DNAH14: variants seen among roughly 807,000 people sequenced by gnomAD.
DNAH14 encodes dynein axonemal heavy chain 14, also known as axonemal beta dynein heavy chain 14.
Under a neutral mutation model 520.9 loss-of-function variants are expected in DNAH14, and 478 were observed. The ratio of observed to expected loss-of-function variants is 0.92; its 90% CI spans 0.85 to 0.99. The LOEUF is 0.99. DNAH14 is among the 50% of genes least tolerant of loss of function. DNAH14 has a pLI of 0.00. For synonymous variants in DNAH14, 1,581 were observed against 1,757.2 expected (o/e 0.90, Z 2.51); for missense variants, 4,831 against 5,234.5 (o/e 0.92, Z 2.38).
chr1:225,301,991 A>C (rs1474103415), intron 56 of DNAH14, among the ~76,000 whole-genome samples: 1 of 151,402 alleles, frequency 6.6e-6, no homozygotes, highest in Non-Finnish European at 1.5e-5. Context: ...TTTGAATAAT[A>C]AAGAAGAAAA....
chr1:225,061,928 A>G (rs1380312997), intron 17 of DNAH14, among the ~76,000 whole-genome samples: 1 of 152,222 alleles, frequency 6.6e-6, no homozygotes, highest in Non-Finnish European at 1.5e-5. Flanking sequence ...TATGTTCAAA[A>G]TCTGTGATCT....
intron 5 of DNAH14, among the ~76,000 whole-genome samples, chr1:224,966,876 T>C (rs1224824360): frequency 6.6e-6 from 1 of 152,146 alleles, no homozygotes; most frequent in African/African-American, 2.4e-5. Flanking sequence ...TCTGCAATTG[T>C]TTAATGAAGT....
chr1:225,331,261 A>G (rs2094791778), intron 64 of DNAH14, among the ~76,000 whole-genome samples, 176 bp from the exon 65 acceptor site: 1 of 152,226 alleles, frequency 6.6e-6, no homozygotes, highest in Non-Finnish European at 1.5e-5. Flanking sequence ...TTCAATATCA[A>G]TGAATCATTT....
At chr1:225,031,192 C>A (rs778007277) in intron 11 of DNAH14, among the ~76,000 whole-genome samples, 3 of 151,932 alleles carry the variant, frequency 2.0e-5, no homozygotes, top group African/African-American at 7.2e-5. Flanking sequence ...AAAAGAAATG[C>A]GGTTGATTTT....
chr1:225,397,988 A>C (rs2096043664), intron 84 of DNAH14: 1 of 136,312 alleles, frequency 7.3e-6, no homozygotes, highest in South Asian at 2.6e-4. Context: ...TGGAGGTTGC[A>C]GTGAGCCAAG....
intron 38 of DNAH14, among the ~76,000 whole-genome samples, chr1:225,197,978 GCAAA>G (rs2086367556): frequency 3.3e-5 from 5 of 152,098 alleles, no homozygotes; most frequent in Admixed American, 2.6e-4. Context: ...CCTGTCATCA[GCAAA>G]CAGTGACAGT....
chr1:225,223,081 G>A (rs1278166473), intron 41 of DNAH14, among the ~76,000 whole-genome samples: 1 of 152,046 alleles, frequency 6.6e-6, no homozygotes, highest in Non-Finnish European at 1.5e-5. Context: ...ATAACAAAGA[G>A]AAAACAGAGG....
At chr1:225,324,868 AAC>A (rs1363887472) in intron 64 of DNAH14, 36 bp downstream of exon 64, 1 of 1,464,748 alleles carries the variant, frequency 6.8e-7, no homozygotes, top group Non-Finnish European at 9.4e-7. Context: ...AATAAGACAA[AAC>A]ACCAGGACAA....
chr1:224,937,050 T>C (rs557399185), intron 1 of DNAH14, among the ~76,000 whole-genome samples: 1 of 151,966 alleles, frequency 6.6e-6, no homozygotes, highest in Admixed American at 6.5e-5. Flanking sequence ...TCAAAATGAG[T>C]ATAGAAGGAA....
In DNAH14 at chr1:225,072,179, A is replaced by G. The variant is rs373470712; in HGVS notation, c.2425-7028A>G. Among the ~76,000 whole-genome samples the G allele has an allele frequency of 2.0e-5, 3 of 152,204 alleles. No homozygotes were observed. In the South Asian group the frequency reaches 6.2e-4, roughly 32 times the overall value. On this transcript the variant is annotated intron_variant, in intron 17 of 85. Transcript: ENST00000682510. The stretch of plus-strand genomic sequence containing the variant: ...CTCTCCATCTCTTTCAGGTACACCA[A>G]TCAGTCATAGATTCAGTCTCTTTAC...
At chr1:225,056,164 T>C (rs1371469931) in intron 17 of DNAH14, among the ~76,000 whole-genome samples, 1 of 152,092 alleles carries the variant, frequency 6.6e-6, no homozygotes, top group Admixed American at 6.5e-5. Context: ...AGTGTAAAAG[T>C]GCTCCTATTT....
chr1:225,238,699 A>T (rs1251591379), intron 42 of DNAH14, among the ~76,000 whole-genome samples: 1 of 152,172 alleles, frequency 6.6e-6, no homozygotes, highest in East Asian at 1.9e-4. Flanking sequence ...TGGACTCTCC[A>T]TAGCTGGCAG....
chr1:224,983,598 A>G (rs1373223673), intron 8 of DNAH14, among the ~76,000 whole-genome samples: 2 of 152,180 alleles, frequency 1.3e-5, no homozygotes, highest in African/African-American at 4.8e-5. Context: ...GGTAAAGAGG[A>G]AGTCAAACTG....
At chr1:225,036,607 T>C (rs891973929) in intron 11 of DNAH14, among the ~76,000 whole-genome samples, 1 of 152,112 alleles carries the variant, frequency 6.6e-6, no homozygotes, top group African/African-American at 2.4e-5. Context: ...CCTATCTTAG[T>C]GCACCTGAAG....
At chr1:225,020,496 C>CAAA (rs57945282) in intron 10 of DNAH14, among the ~76,000 whole-genome samples, 36,236 of 57,316 alleles carry the variant, frequency 0.63, 13,883 homozygotes, top group Non-Finnish European at 0.79. Flanking sequence ...GGCTCTGTCT[C>CAAA]AAAAAAAAAA....
rs1443409365 is a variant in DNAH14 at position 225,007,530 on chromosome 1, A to T, written c.1093A>T (p.Ser365Cys). 2 of 1,529,458 alleles carry T rather than the reference A, an allele frequency of 1.3e-6. No individual in the cohort carries two copies. Among genetic ancestry groups the T allele is most frequent in the Non-Finnish European group, 1.8e-6 (2 of 1,135,224 alleles). 94.7% of individuals were successfully genotyped at this position (1,529,458 alleles called of 1,614,324 possible). Residue 365 changes from serine to cysteine, a missense_variant, in exon 10 of 86, where the codon AGT becomes TGT. Ser to Cys is a moderately radical substitution (Grantham distance 112, BLOSUM62 -1). Transcript: ENST00000682510. Reference protein sequence around the residue: ...IRNKAISEMKSTFLKVAEKNE... With the variant: ...IRNKAISEMKCTFLKVAEKNE... ...GAATAAAGCAATTTCAGAGATGAAA[A>T]GTACTTTTCTAAAGGTAATTCTTTA...
At position 225,042,820 on chromosome 1, in the gene DNAH14, T is replaced by A; in HGVS notation, c.1489-15T>A. 6.5e-7 allele frequency: 1 copy of A among 1,541,480 alleles called. No homozygotes were observed. The highest frequency in any genetic ancestry group is 8.8e-7 in the Non-Finnish European group (1 of 1,141,746). On this transcript the variant is annotated splice_polypyrimidine_tract_variant and intron_variant, in intron 12 of 85. Coordinates refer to ENST00000682510, the MANE Select transcript of DNAH14 (RefSeq NM_001367479.1). ...TATGTTGTCACTGGCACCCTCACAT[T>A]ATCCGTTAAATTAGATTTTGAATAG...
intron 9 of DNAH14, among the ~76,000 whole-genome samples, chr1:225,004,336 C>T (rs1272019239): frequency 6.6e-6 from 1 of 152,138 alleles, no homozygotes; most frequent in East Asian, 1.9e-4. Flanking sequence ...GCAAATAATA[C>T]TTGTAAAACA....
intron 73 of DNAH14, among the ~76,000 whole-genome samples, chr1:225,354,572 A>G (rs1202387507): frequency 6.6e-6 from 1 of 152,104 alleles, no homozygotes; most frequent in East Asian, 1.9e-4. Flanking sequence ...TATTTCCCTC[A>G]TTTTACAGAT....
Sources: gnomAD v4.1 joint callset for allele counts (sites outside exome capture counted in the v4.1 genomes callset) on GRCh38, gnomAD v4.1.1 for gene constraint, MANE v1.5 for transcripts, NCBI Gene and HGNC (gene_info 2026-07-23, HGNC 2026-07-21) for gene names.